CD96: variants seen among roughly 807,000 people sequenced by gnomAD.
CD96 encodes the protein T-cell surface protein tactile.
CD96 carries 70 observed loss-of-function variants against 71.3 expected under a neutral mutation model. The ratio of observed to expected loss-of-function variants is 0.98; its 90% CI spans 0.81 to 1.20. The LOEUF is 1.20. CD96 is among the 50% of genes most tolerant of loss of function. The pLI is 0.00. For synonymous variants in CD96, 248 were observed against 233.0 expected (o/e 1.06, Z -0.59); for missense variants, 742 against 677.5 (o/e 1.10, Z -1.06).
intron 2 of CD96, among the ~76,000 whole-genome samples, chr3:111,552,232 C>T (rs1367676685): frequency 6.6e-6 from 1 of 151,984 alleles, no homozygotes; most frequent in East Asian, 1.9e-4. Context: ...AAGGGCTCCA[C>T]TCTCCTGGAA....
chr3:111,560,299 A>G (rs1355555975), intron 2 of CD96, among the ~76,000 whole-genome samples: 1 of 150,642 alleles, frequency 6.6e-6, no homozygotes, highest in Non-Finnish European at 1.5e-5. Flanking sequence ...GTTTCTTCCT[A>G]GTCTCGATGG....
At chr3:111,546,392 G>T (rs1267678357) in intron 2 of CD96, among the ~76,000 whole-genome samples, 1 of 152,148 alleles carries the variant, frequency 6.6e-6, no homozygotes, top group Non-Finnish European at 1.5e-5. Context: ...TAACTATGAA[G>T]CATTCACACC....
chr3:111,568,261 T>C (rs1935816867), intron 3 of CD96, among the ~76,000 whole-genome samples: 1 of 152,188 alleles, frequency 6.6e-6, no homozygotes, highest in African/African-American at 2.4e-5. Context: ...GCCAGAAATC[T>C]GGATTTTTAT....
At chr3:111,562,583 C>T (rs993177463) in intron 2 of CD96, among the ~76,000 whole-genome samples, 1 of 152,202 alleles carries the variant, frequency 6.6e-6, no homozygotes, top group Non-Finnish European at 1.5e-5. Flanking sequence ...CAAGAAGTTG[C>T]CCCTGCATTG....
chr3:111,652,563 T>A (rs1348386579), downstream of CD96, among the ~76,000 whole-genome samples: 1 of 152,104 alleles, frequency 6.6e-6, no homozygotes, highest in Non-Finnish European at 1.5e-5. Context: ...ATGACAGGTG[T>A]CTCTCTGTGT....
intron 10 of CD96, among the ~76,000 whole-genome samples, chr3:111,626,074 C>T (rs1025990382): frequency 3.8e-4 from 58 of 151,974 alleles, no homozygotes; most frequent in African/African-American, 1.3e-3. Context: ...GAGGCTGAGG[C>T]GGGTGGATCA....
chr3:111,610,041 G>A (rs1451866178), intron 8 of CD96, among the ~76,000 whole-genome samples: 3 of 152,190 alleles, frequency 2.0e-5, no homozygotes, highest in African/African-American at 7.2e-5. Context: ...CCAAGGCCAA[G>A]AAGACTTGTT....
intron 3 of CD96, chr3:111,570,503 G>C: frequency 1.2e-6 from 1 of 842,412 alleles, no homozygotes; most frequent in Non-Finnish European, 1.8e-6. Context: ...GAGCCACCAA[G>C]GTAGAAATCA....
In CD96 at chr3:111,638,182, C is replaced by A; in HGVS notation, c.1477+14C>A. Reference sequence around the variant, plus strand: ...TCCATATCACTGGTAAGTCATTTATCCTATTTTGGGGGATTTTATGCTTTA... The same window carrying A: ...TCCATATCACTGGTAAGTCATTTATACTATTTTGGGGGATTTTATGCTTTA... On this transcript the variant is annotated intron_variant, in intron 12 of 13. Transcript: ENST00000352690. The A allele has an allele frequency of 6.7e-7, 1 of 1,490,652 alleles. No individual in the cohort carries two copies. The highest frequency in any genetic ancestry group is 1.7e-5 in the Admixed American group (1 of 59,862). 92.3% of individuals were successfully genotyped at this position (1,490,652 alleles called of 1,614,324 possible).
chr3:111,594,162 T>A (rs768431285), intron 5 of CD96: 9 of 1,610,512 alleles, frequency 5.6e-6, no homozygotes, highest in Non-Finnish European at 5.1e-6. Flanking sequence ...TTTGCCTTCA[T>A]CATTGTTCCC....
chr3:111,623,708 G>T, intron 8 of CD96, 46 bp from the exon 9 acceptor site: 3 of 1,186,354 alleles, frequency 2.5e-6, no homozygotes, highest in Non-Finnish European at 3.8e-6. Flanking sequence ...TTAAACATAC[G>T]AATGTAAATA....
chr3:111,657,286 C>T (rs1940253418), downstream of CD96, among the ~76,000 whole-genome samples: 2 of 151,876 alleles, frequency 1.3e-5, no homozygotes, highest in African/African-American at 4.8e-5. Flanking sequence ...GGCATGGTGG[C>T]ATGTGCCTGT....
chr3:111,636,940 T>A (rs1034068033), intron 10 of CD96, among the ~76,000 whole-genome samples: 17 of 152,202 alleles, frequency 1.1e-4, no homozygotes, highest in African/African-American at 3.9e-4. Context: ...CCTTCTAGTG[T>A]TTTCTTTCCA....
chr3:111,606,536 C>A (rs1180015814), intron 7 of CD96, among the ~76,000 whole-genome samples, 164 bp from the exon 8 acceptor site: 1 of 152,142 alleles, frequency 6.6e-6, no homozygotes, highest in Non-Finnish European at 1.5e-5. Flanking sequence ...CCCATGTCTT[C>A]CTCATTCATC....
At chr3:111,542,587 A>G (rs1934158287) in intron 1 of CD96, among the ~76,000 whole-genome samples, 1 of 152,256 alleles carries the variant, frequency 6.6e-6, no homozygotes, top group African/African-American at 2.4e-5. Context: ...GGATCTCTGG[A>G]GTAATTGGCA....
At chr3:111,630,657 A>G (rs1026453240) in intron 10 of CD96, among the ~76,000 whole-genome samples, 1 of 152,248 alleles carries the variant, frequency 6.6e-6, no homozygotes, top group Non-Finnish European at 1.5e-5. Flanking sequence ...AACTCATTCC[A>G]TGAGGCCAGC....
At chr3:111,585,298 T>A in intron 4 of CD96, 25 bp from the exon 5 acceptor site, 1 of 1,552,010 alleles carries the variant, frequency 6.4e-7, no homozygotes, top group African/African-American at 1.4e-5. Context: ...TTGGTGCCAC[T>A]AACTATGTTT....
At chr3:111,655,017 C>A (rs780885592), downstream of CD96, among the ~76,000 whole-genome samples, 3 of 152,176 alleles carry the variant, frequency 2.0e-5, no homozygotes, top group Non-Finnish European at 4.4e-5. Flanking sequence ...TCTGTTAAGG[C>A]TGAATGGGAA....
chr3:111,657,439 T>C (rs1576442453), intron 14 of CD96, among the ~76,000 whole-genome samples: 1 of 150,168 alleles, frequency 6.7e-6, no homozygotes, highest in Non-Finnish European at 1.5e-5. Flanking sequence ...CTAATTCAAG[T>C]AGCTAGGAAC....
Sources: gnomAD v4.1 joint callset for allele counts (sites outside exome capture counted in the v4.1 genomes callset) on GRCh38, gnomAD v4.1.1 for gene constraint, MANE v1.5 for transcripts, NCBI Gene and HGNC (gene_info 2026-07-23, HGNC 2026-07-21) for gene names.